OARD1: variants seen among roughly 807,000 people sequenced by gnomAD.
OARD1 encodes the protein ADP-ribose glycohydrolase OARD1.
Under a neutral mutation model 19.7 loss-of-function variants are expected in OARD1, and 19 were observed. The ratio of observed to expected loss-of-function variants is 0.96; its 90% CI spans 0.67 to 1.41. OARD1 has a LOEUF of 1.41. Ranked by LOEUF, OARD1 falls within the 40% of genes most tolerant of loss-of-function variation. The pLI is 0.00. For missense variants in OARD1, 190 were observed against 183.8 expected, an observed-to-expected ratio of 1.03 and a Z score of -0.20; for synonymous variants, 70 against 61.8, an observed-to-expected ratio of 1.13 and a Z score of -0.62.
intron 3 of OARD1, 55 bp downstream of exon 3, chr6:41,071,076 CA>C (rs1210865444): frequency 6.5e-7 from 1 of 1,548,238 alleles, no homozygotes; most frequent in African/African-American, 1.4e-5. Flanking sequence ...TAAAGTGTAA[CA>C]GATTAAAAGG....
chr6:41,092,972 A>G (rs1561856150), intron 1 of OARD1: 1 of 1,614,090 alleles, frequency 6.2e-7, no homozygotes, highest in Non-Finnish European at 8.5e-7. Context: ...TGGAGCAGAG[A>G]TGCTTGAAGA....
chr6:41,085,048 G>A (rs946107933), intron 1 of OARD1, among the ~76,000 whole-genome samples: 2 of 151,932 alleles, frequency 1.3e-5, no homozygotes, highest in African/African-American at 2.4e-5. Flanking sequence ...ATTTCTCATC[G>A]AGATGGCAAA....
chr6:41,089,391 C>G (rs989521279), intron 1 of OARD1, among the ~76,000 whole-genome samples: 1 of 152,202 alleles, frequency 6.6e-6, no homozygotes, highest in Non-Finnish European at 1.5e-5. Flanking sequence ...CAGACAGTGT[C>G]GAAATTCCCT....
chr6:41,083,894 G>A (rs1763974580), intron 1 of OARD1: 1 of 669,216 alleles, frequency 1.5e-6, no homozygotes, highest in Admixed American at 3.7e-5. Flanking sequence ...GATATTTAAA[G>A]ATAACTTGAG....
chr6:41,090,120 ATAATTTTT>A, intron 1 of OARD1: 1 of 958,940 alleles, frequency 1.0e-6, no homozygotes, highest in East Asian at 2.5e-5. Flanking sequence ...TCTCAAAAAA[ATAATTTTT>A]TTTTTTAAGG....
rs1763170932 is a variant in OARD1 at position 41,068,907 on chromosome 6, TG to T, written c.289del (p.Gln97ArgfsTer4). On this transcript the variant is annotated frameshift_variant, in exon 5 of 6. Coordinates refer to ENST00000424266, the MANE Select transcript of OARD1 (RefSeq NM_001329686.2). LOFTEE classifies it high-confidence loss of function. ...ASHKPTYENL[Q>X]KSLEAMKSHC... Reference sequence around the variant, plus strand: ...AGACTTCATTGCCTCTAAACTCTTCTGTAAGTTTTCATAAGTTGGCTTGTGC... The same window carrying T: ...AGACTTCATTGCCTCTAAACTCTTCTTAAGTTTTCATAAGTTGGCTTGTGC... 6.2e-7 allele frequency: 1 copy of T among 1,610,910 alleles called. No homozygotes were observed. The highest frequency in any genetic ancestry group is 8.5e-7 in the Non-Finnish European group (1 of 1,178,408).
intron 1 of OARD1, among the ~76,000 whole-genome samples, chr6:41,088,126 C>T (rs981394903): frequency 2.0e-5 from 3 of 152,040 alleles, no homozygotes; most frequent in African/African-American, 7.2e-5. Context: ...CAGCTTAAAA[C>T]AACAAACATT....
intron 1 of OARD1, chr6:41,071,884 T>A (rs1290330935): frequency 2.0e-6 from 1 of 502,436 alleles, no homozygotes; most frequent in Admixed American, 3.4e-5. Flanking sequence ...CGCTCTCATT[T>A]CGTGCTTTCC....
intron 4 of OARD1, chr6:41,069,251 T>C (rs1247685615): frequency 5.0e-6 from 1 of 201,088 alleles, no homozygotes; most frequent in African/African-American, 2.3e-5. Context: ...GCAAGGTAGG[T>C]GAAGTCTCTG....
chr6:41,077,275 T>C (rs1220138392), upstream of OARD1, among the ~76,000 whole-genome samples: 1 of 152,182 alleles, frequency 6.6e-6, no homozygotes, highest in Non-Finnish European at 1.5e-5. Context: ...TAAATGTGTA[T>C]TTTGATGAGT....
intron 1 of OARD1, chr6:41,078,971 T>C: frequency 1.4e-6 from 1 of 739,598 alleles, no homozygotes; most frequent in Non-Finnish European, 2.3e-6. Context: ...AGGTTAATTG[T>C]CTGGTAAGGC....
intron 1 of OARD1, 34 bp from the exon 2 acceptor site, chr6:41,071,709 G>A: frequency 3.2e-6 from 4 of 1,231,686 alleles, no homozygotes; most frequent in Middle Eastern, 1.9e-4. Context: ...AAAATGCTTA[G>A]GCAGCCTTAG....
intron 1 of OARD1, among the ~76,000 whole-genome samples, chr6:41,078,419 C>G (rs1247040219): frequency 6.6e-6 from 1 of 152,176 alleles, no homozygotes; most frequent in Non-Finnish European, 1.5e-5. Flanking sequence ...GACCTATCTA[C>G]ATTTTTGTTT....
chr6:41,084,025 T>A, intron 1 of OARD1: 1 of 1,583,278 alleles, frequency 6.3e-7, no homozygotes, highest in Non-Finnish European at 8.6e-7. Flanking sequence ...ATTTCATTGT[T>A]CTTATTTTAT....
At chr6:41,082,198 ACC>A (rs1302255421) in intron 1 of OARD1, among the ~76,000 whole-genome samples, 1 of 152,200 alleles carries the variant, frequency 6.6e-6, no homozygotes, top group African/African-American at 2.4e-5. Flanking sequence ...TACCCCTGCC[ACC>A]AATAGTGTTT....
upstream of OARD1, among the ~76,000 whole-genome samples, chr6:41,073,709 C>T (rs962915803): frequency 1.9e-4 from 29 of 152,182 alleles, 1 homozygote; most frequent in Admixed American, 1.7e-3. Flanking sequence ...GCCTCGGAGC[C>T]CTATGGGCCC....
At position 41,071,687 on chromosome 6, in the gene OARD1, G is replaced by A. The variant is rs1024431533; in HGVS notation, c.-41-12C>T. 4.7e-6 allele frequency: 7 copies of A among 1,496,738 alleles called. No homozygotes were observed. Among genetic ancestry groups the A allele is most frequent in the East Asian group, 2.3e-5 (1 of 44,362 alleles). 92.7% of individuals were successfully genotyped at this position (1,496,738 alleles called of 1,614,324 possible). On this transcript the variant is annotated splice_polypyrimidine_tract_variant and intron_variant, in intron 1 of 5. Transcript: ENST00000424266. ...AAGTGTTTCTTCAGCTATGAGAAGG[G>A]AAAAGGAAGTAAAAATGCTTAGGCA...
At chr6:41,091,439 A>G (rs2113815376) in intron 1 of OARD1, 1 of 1,329,954 alleles carries the variant, frequency 7.5e-7, no homozygotes, top group Non-Finnish European at 1.0e-6. Flanking sequence ...CGGTGAGTGT[A>G]TACCAGATAG....
At chr6:41,075,465 T>C (rs1039619531), upstream of OARD1, 4 of 152,242 alleles carry the variant, frequency 2.6e-5, no homozygotes, top group Non-Finnish European at 5.9e-5. Flanking sequence ...TGGTAACTTT[T>C]TTGCTAAATA....
Sources: gnomAD v4.1 joint callset for allele counts (sites outside exome capture counted in the v4.1 genomes callset) on GRCh38, gnomAD v4.1.1 for gene constraint, MANE v1.5 for transcripts, NCBI Gene and HGNC (gene_info 2026-07-23, HGNC 2026-07-21) for gene names.